Variants in MTUS2 observed in about 807,000 individuals in gnomAD.
MTUS2 encodes microtubule associated scaffold protein 2.
A neutral mutation model predicts 114.1 loss-of-function variants in MTUS2; 40 were observed. The ratio of observed to expected loss-of-function variants is 0.35; its 90% CI spans 0.27 to 0.46. MTUS2 has a LOEUF of 0.46. MTUS2 is among the 20% of genes least tolerant of loss of function. The pLI is 1.00. For missense variants in MTUS2, 1,679 were observed against 1,705.4 expected, an observed-to-expected ratio of 0.98 and a Z score of 0.27; for synonymous variants, 688 against 672.0, an observed-to-expected ratio of 1.02 and a Z score of -0.37.
intron 2 of MTUS2, among the ~76,000 whole-genome samples, chr13:29,005,370 C>T (rs1419603558): frequency 4.6e-5 from 7 of 152,082 alleles, no homozygotes; most frequent in African/African-American, 1.7e-4. Context: ...CCAGTGTTTG[C>T]CCATCTCCAA....
At chr13:29,171,881 T>C (rs896252740) in intron 5 of MTUS2, among the ~76,000 whole-genome samples, 1 of 152,190 alleles carries the variant, frequency 6.6e-6, no homozygotes, top group African/African-American at 2.4e-5. Flanking sequence ...AGTTCCTTTT[T>C]CAAATAGCAG....
At chr13:29,263,862 C>T (rs1004312214) in intron 5 of MTUS2, among the ~76,000 whole-genome samples, 11 of 152,284 alleles carry the variant, frequency 7.2e-5, no homozygotes, top group Non-Finnish European at 1.0e-4. Context: ...GGTGGGGACA[C>T]AGATCCAAAC....
At chr13:29,265,233 A>G (rs1042139689) in intron 5 of MTUS2, among the ~76,000 whole-genome samples, 1 of 152,238 alleles carries the variant, frequency 6.6e-6, no homozygotes. Flanking sequence ...CAAGCTCTTT[A>G]CAAAGTTGTA....
chr13:29,306,224 G>A (rs1409271518), intron 6 of MTUS2, among the ~76,000 whole-genome samples: 4 of 152,186 alleles, frequency 2.6e-5, no homozygotes, highest in Non-Finnish European at 5.9e-5. Flanking sequence ...TTGAAAACTA[G>A]CACAAGACAG....
At position 29,026,011 on chromosome 13, in the gene MTUS2, C is replaced by T; in HGVS notation, c.1313C>T (p.Ala438Val). 6.2e-7 allele frequency: 1 copy of T among 1,613,978 alleles called. No homozygotes were observed. Among genetic ancestry groups the T allele is most frequent in the South Asian group, 1.1e-5 (1 of 91,076 alleles). Residue 438 changes from alanine (A) to valine (V), a missense_variant, in exon 3 of 16, where the codon GCT (alanine) becomes GTT (valine). By Grantham distance (64) the Ala-to-Val change is moderately conservative (BLOSUM62 0). Around this residue, in one of 3 missense-constraint regions of MTUS2, gnomAD observed 843 missense variants for 770.8 expected, o/e 1.09. Coordinates refer to ENST00000612955, the MANE Select transcript of MTUS2 (RefSeq NM_001033602.4). Reference sequence around the variant, plus strand: ...TTTTCACCAGGTGACAGTCATGTGGCTTTTATTCCTAATAATCTGACTGAC... The same window carrying T: ...TTTTCACCAGGTGACAGTCATGTGGTTTTTATTCCTAATAATCTGACTGAC... ...SSFSPGDSHVAFIPNNLTDSK... is the reference protein window; with the variant it reads ...SSFSPGDSHVVFIPNNLTDSK...
chr13:29,126,612 C>T (rs1422755601), intron 5 of MTUS2, among the ~76,000 whole-genome samples: 1 of 151,306 alleles, frequency 6.6e-6, no homozygotes, highest in Non-Finnish European at 1.5e-5. Context: ...TTCTTAAAAC[C>T]TTATGAGATT....
chr13:29,182,920 G>A (rs1245775171), intron 5 of MTUS2, among the ~76,000 whole-genome samples: 1 of 152,160 alleles, frequency 6.6e-6, no homozygotes, highest in East Asian at 1.9e-4. Context: ...CAGCTGAAGG[G>A]GAGGGAGCAG....
chr13:29,083,534 C>T (rs138079552), intron 4 of MTUS2, among the ~76,000 whole-genome samples: 16 of 152,234 alleles, frequency 1.1e-4, no homozygotes, highest in Admixed American at 1.3e-4. Flanking sequence ...TAGCAAAATA[C>T]GTTGCAGTTG....
At position 29,335,565 on chromosome 13, in the gene MTUS2, G is replaced by A. The variant is rs147854223; in HGVS notation, c.2905+10854G>A. Among the ~76,000 whole-genome samples, 703 of 152,224 alleles carry A rather than the reference G, an allele frequency of 4.6e-3. 6 individuals are homozygous for A. The highest frequency in any genetic ancestry group is 0.016 in the African/African-American group (658 of 41,512). On this transcript the variant is annotated intron_variant, in intron 7 of 15. Transcript: ENST00000612955. ...CTAATAAAAACTTGCTGGTTTTGCG[G>A]CTTGGGGGGCATCATGGAACCTGCC...
At chr13:29,049,727 C>T (rs988599609) in intron 4 of MTUS2, among the ~76,000 whole-genome samples, 6 of 152,140 alleles carry the variant, frequency 3.9e-5, no homozygotes, top group African/African-American at 1.2e-4. Flanking sequence ...GCAATGGGGC[C>T]GAGTAGATGC....
intron 11 of MTUS2, among the ~76,000 whole-genome samples, chr13:29,491,572 G>A (rs1222623142): frequency 7.7e-5 from 10 of 129,894 alleles, no homozygotes; most frequent in Non-Finnish European, 6.7e-5. Flanking sequence ...ATGTGGGGGA[G>A]TGTGTGGGGG....
intron 2 of MTUS2, among the ~76,000 whole-genome samples, chr13:29,001,862 A>G (rs61946417): frequency 3.9e-5 from 6 of 152,190 alleles, no homozygotes; most frequent in African/African-American, 1.4e-4. Flanking sequence ...GTGATGATCA[A>G]AACAGAAGCT....
chr13:29,470,931 G>A (rs563727877), intron 9 of MTUS2, among the ~76,000 whole-genome samples: 33 of 152,188 alleles, frequency 2.2e-4, no homozygotes, highest in African/African-American at 7.7e-4. Context: ...TGTCTTCTCC[G>A]AACAGCCTTC....
intron 2 of MTUS2, among the ~76,000 whole-genome samples, chr13:28,946,060 A>C (rs1214210824): frequency 2.6e-5 from 4 of 152,200 alleles, no homozygotes; most frequent in African/African-American, 9.7e-5. Context: ...GCAGTGTTGT[A>C]ATCTTTTAAA....
At chr13:29,267,727 C>A (rs1486060449) in intron 5 of MTUS2, among the ~76,000 whole-genome samples, 1 of 151,898 alleles carries the variant, frequency 6.6e-6, no homozygotes, top group Non-Finnish European at 1.5e-5. Context: ...GGATGAAGCC[C>A]CTAAAGGAGA....
chr13:28,971,403 C>G (rs77420584), intron 2 of MTUS2, among the ~76,000 whole-genome samples: 1 of 152,010 alleles, frequency 6.6e-6, no homozygotes, highest in Admixed American at 6.5e-5. Flanking sequence ...AGGATATGTC[C>G]GAAGGAATCC....
intron 7 of MTUS2, among the ~76,000 whole-genome samples, chr13:29,332,497 C>A (rs572033250): frequency 1.3e-5 from 2 of 149,914 alleles, no homozygotes; most frequent in East Asian, 3.9e-4. Context: ...TTAATCTTTT[C>A]AAAAAACAAG....
chr13:29,346,879 T>C (rs1593331079), intron 7 of MTUS2, among the ~76,000 whole-genome samples: 1 of 150,000 alleles, frequency 6.7e-6, no homozygotes, highest in Admixed American at 6.7e-5. Flanking sequence ...TGCTCAGCTC[T>C]CTAAATTTGT....
intron 6 of MTUS2, among the ~76,000 whole-genome samples, chr13:29,282,184 C>T (rs1311246613): frequency 6.6e-6 from 1 of 152,244 alleles, no homozygotes; most frequent in Non-Finnish European, 1.5e-5. Context: ...ATCGCAAGGA[C>T]TGTAGGATAG....
Sources: allele counts gnomAD v4.1 joint callset (sites outside exome capture counted in the v4.1 genomes callset), GRCh38; gene constraint gnomAD v4.1.1; regional missense constraint gnomAD v4.1.1; transcripts MANE v1.5; gene names NCBI Gene and HGNC (gene_info 2026-07-23, HGNC 2026-07-21).